Variants in SEMA6D observed in about 807,000 individuals in gnomAD.
SEMA6D encodes the protein semaphorin-6D.
SEMA6D carries 35 observed loss-of-function variants against 106.6 expected under a neutral mutation model. That is an observed-to-expected ratio of 0.33 (90% CI 0.25 to 0.44). The LOEUF (loss-of-function observed/expected upper bound fraction) is 0.44, where lower values mean the gene tolerates loss of function less well. SEMA6D is among the 20% of genes least tolerant of loss of function. The probability of loss-of-function intolerance (pLI) is 1.00; values close to 1 mark genes in which losing one functional copy is unlikely to be tolerated. For missense variants in SEMA6D, 1,185 were observed against 1,345.9 expected, an observed-to-expected ratio of 0.88 and a Z score of 1.87; for synonymous variants, 499 against 487.7, an observed-to-expected ratio of 1.02 and a Z score of -0.31.
chr15:47,258,270 T>C (rs1469044498), intron 1 of SEMA6D, among the ~76,000 whole-genome samples: 1 of 152,182 alleles, frequency 6.6e-6, no homozygotes, highest in Non-Finnish European at 1.5e-5. Flanking sequence ...TATTAATATG[T>C]TAGAACCGAA....
Position 47,771,401 on chromosome 15 carries a change from T to A in SEMA6D, c.2838T>A (p.Asp946Glu), listed in dbSNP as rs1477088154. 1.9e-6 allele frequency: 3 copies of A among 1,613,924 alleles called. No individual in the cohort carries two copies. In the East Asian group the frequency reaches 6.7e-5, roughly 36 times the overall value. Reference sequence around the variant, plus strand: ...GAAATAGCCCAACCAAGCGAGTGGATGTCCCCACCACTCCTGGAGTCCCAA... The same window carrying A: ...GAAATAGCCCAACCAAGCGAGTGGAAGTCCCCACCACTCCTGGAGTCCCAA... ...LPRNSPTKRV[D>E]VPTTPGVPMT... is the part of the protein sequence containing the mutation. Residue 946 changes from aspartate to glutamate, a missense_variant, in exon 19 of 19, where the codon GAT (aspartate) becomes GAA (glutamate). This residue lies in a region of SEMA6D where 750 missense variants were observed against 783.5 expected (regional missense o/e 0.96). Coordinates refer to ENST00000536845, the MANE Select transcript of SEMA6D (RefSeq NM_001358351.3).
Position 47,685,174 on chromosome 15 carries a change from G to T in SEMA6D, c.-54-74571G>T, listed in dbSNP as rs548177507. Among the ~76,000 whole-genome samples the T allele has an allele frequency of 2.0e-5, 3 of 152,290 alleles. No individual in the cohort carries two copies. The South Asian group carries it at 6.2e-4, about 32-fold the overall frequency. ...GTCTGTTTCTCTTGAAGAGCCCATTGTGAGCATTAAGTATCTTTGAAGAGT... is the reference window on the plus strand; with the variant it reads ...GTCTGTTTCTCTTGAAGAGCCCATTTTGAGCATTAAGTATCTTTGAAGAGT... On this transcript the variant is annotated intron_variant, in intron 4 of 19. Transcript: ENST00000558014.
intron 3 of SEMA6D, among the ~76,000 whole-genome samples, chr15:47,599,178 C>T (rs1408408338): frequency 6.6e-6 from 1 of 152,068 alleles, no homozygotes; most frequent in African/African-American, 2.4e-5. Context: ...AATACTACTT[C>T]CTCCAAGATG....
chr15:47,485,976 C>G lies in SEMA6D; in HGVS notation c.-87+15431C>G, dbSNP rs138304836. ...AAAGGACAAGATGTCCAGAAAACCA[C>G]TCCGTAGTAAACTAAGCTAGGGCAA... On this transcript the variant is annotated intron_variant, in intron 3 of 19. Coordinates refer to the SEMA6D transcript ENST00000558014. 2.0e-5 allele frequency among the ~76,000 whole-genome samples: 3 copies of G among 152,298 alleles called. No homozygotes were observed. The East Asian group carries it at 5.8e-4, about 29-fold the overall frequency.
At chr15:47,269,807 T>A (rs968896082) in intron 1 of SEMA6D, among the ~76,000 whole-genome samples, 1 of 152,112 alleles carries the variant, frequency 6.6e-6, no homozygotes, top group African/African-American at 2.4e-5. Flanking sequence ...ATTAGATAAA[T>A]CCTTCCAAGT....
chr15:47,190,900 T>G (rs1817250299), intron 1 of SEMA6D, among the ~76,000 whole-genome samples: 1 of 152,158 alleles, frequency 6.6e-6, no homozygotes, highest in Non-Finnish European at 1.5e-5. Flanking sequence ...TTGGGTGAGG[T>G]GGCTCATACC....
chr15:47,711,864 C>A (rs1349203874), intron 4 of SEMA6D, among the ~76,000 whole-genome samples: 1 of 152,110 alleles, frequency 6.6e-6, no homozygotes, highest in African/African-American at 2.4e-5. Context: ...GTAGGTGGCA[C>A]TAGTGGTTTC....
intron 1 of SEMA6D, among the ~76,000 whole-genome samples, chr15:47,296,480 A>G (rs2035806134): frequency 6.6e-6 from 1 of 152,242 alleles, no homozygotes; most frequent in African/African-American, 2.4e-5. Context: ...TGTCCAGATA[A>G]CCAGCTGACA....
intron 8 of SEMA6D, among the ~76,000 whole-genome samples, chr15:47,762,660 C>A (rs1280459854): frequency 6.6e-6 from 1 of 152,142 alleles, no homozygotes; most frequent in African/African-American, 2.4e-5. Flanking sequence ...TCGATTAGTC[C>A]GTATGAGAGC....
At chr15:47,548,324 T>C (rs143381103) in intron 3 of SEMA6D, among the ~76,000 whole-genome samples, 28 of 152,306 alleles carry the variant, frequency 1.8e-4, no homozygotes, top group Admixed American at 1.1e-3. Flanking sequence ...AGGGGACTGC[T>C]GGTTGTTACA....
intron 2 of SEMA6D, among the ~76,000 whole-genome samples, chr15:47,433,843 A>G (rs756038850): frequency 1.3e-5 from 2 of 152,156 alleles, no homozygotes; most frequent in South Asian, 2.1e-4. Flanking sequence ...CGGTTCAATT[A>G]TAAGATGTGG....
At chr15:47,331,246 A>G (rs1451929034) in intron 1 of SEMA6D, among the ~76,000 whole-genome samples, 2 of 152,200 alleles carry the variant, frequency 1.3e-5, no homozygotes, top group Non-Finnish European at 2.9e-5. Context: ...GTTAACACCT[A>G]TGAACATTGC....
At chr15:47,475,859 A>G (rs958224390) in intron 3 of SEMA6D, among the ~76,000 whole-genome samples, 1 of 152,214 alleles carries the variant, frequency 6.6e-6, no homozygotes, top group African/African-American at 2.4e-5. Flanking sequence ...TAACAGTCTA[A>G]TAATGCCTCT....
rs1367940648 is a variant in SEMA6D at position 47,768,722 on chromosome 15, C to A, written c.1907C>A (p.Thr636Asn). 6.2e-7 allele frequency: 1 copy of A among 1,613,322 alleles called. No individual in the cohort carries two copies. The highest frequency in any genetic ancestry group is 1.1e-5 in the South Asian group (1 of 91,000). Residue 636 changes from threonine to asparagine, a missense_variant, in exon 18 of 19, where the codon ACT becomes AAT. Coordinates refer to ENST00000536845, the MANE Select transcript of SEMA6D (RefSeq NM_001358351.3). ...GATGATCCAAACACTTCTGATTTTA[C>A]TGATCCTTTATCGGGTATCCCAAAG... is the stretch of plus-strand genomic sequence containing the variant. ...VQDDPNTSDF[T>N]DPLSGIPKGV...
At chr15:47,318,112 C>T (rs2036762511) in intron 1 of SEMA6D, among the ~76,000 whole-genome samples, 1 of 149,744 alleles carries the variant, frequency 6.7e-6, no homozygotes, top group African/African-American at 2.4e-5. Context: ...ACAGTTGGCC[C>T]CTTCCCCTGA....
chr15:47,454,010 C>CA (rs1021772230), intron 2 of SEMA6D, among the ~76,000 whole-genome samples: 1 of 151,864 alleles, frequency 6.6e-6, no homozygotes, highest in Non-Finnish European at 1.5e-5. Flanking sequence ...AATGATCAAG[C>CA]AAAAGCATAC....
chr15:47,725,804 A>G (rs2079705142), intron 1 of SEMA6D, among the ~76,000 whole-genome samples: 1 of 127,492 alleles, frequency 7.8e-6, no homozygotes, highest in Non-Finnish European at 1.9e-5. Flanking sequence ...GGGAATGATC[A>G]AGTCAATTGC....
At position 47,255,095 on chromosome 15, in the gene SEMA6D, A is replaced by C. The variant is rs552052079; in HGVS notation, c.-239+70677A>C. Among the ~76,000 whole-genome samples, 104 of 152,214 alleles carry C rather than the reference A, an allele frequency of 6.8e-4. 1 individual carries two copies. Among genetic ancestry groups the C allele is most frequent in the African/African-American group, 2.4e-3 (101 of 41,524 alleles). On this transcript the variant is annotated intron_variant, in intron 1 of 19. Transcript: ENST00000558014. ...TTCTTGGCTTCTATTTGATGGGAGA[A>C]TCTTGATAACTGCTTCAATCTTGTC...
chr15:47,704,582 G>C (rs926130196), intron 4 of SEMA6D, among the ~76,000 whole-genome samples: 1 of 151,986 alleles, frequency 6.6e-6, no homozygotes, highest in Non-Finnish European at 1.5e-5. Context: ...GTGGTGGCAT[G>C]TGCCTGTAGT....
Sources: allele counts gnomAD v4.1 joint callset (sites outside exome capture counted in the v4.1 genomes callset), GRCh38; gene constraint gnomAD v4.1.1; regional missense constraint gnomAD v4.1.1; transcripts MANE v1.5; gene names NCBI Gene and HGNC (gene_info 2026-07-23, HGNC 2026-07-21).